The following PAPPA2 variants were observed in gnomAD, a reference collection of about 807,000 sequenced individuals.
PAPPA2 encodes the protein pappalysin 2.
PAPPA2 carries 86 observed loss-of-function variants against 176.4 expected under a neutral mutation model. The observed-to-expected ratio is 0.49, with a 90% CI of 0.41 to 0.58. The LOEUF (loss-of-function observed/expected upper bound fraction) is 0.58. Ranked by LOEUF, PAPPA2 falls within the 20% of genes least tolerant of loss-of-function variation. PAPPA2 has a pLI of 0.00. For synonymous variants in PAPPA2, 809 were observed against 852.2 expected (o/e 0.95, Z 0.88); for missense variants, 2,073 against 2,256.9 (o/e 0.92, Z 1.65).
rs200808228 is a variant in PAPPA2 at position 176,510,810 on chromosome 1, T to TACACACACACACACACACAC, written c.-916-44577_-916-44558dup. Among the ~76,000 whole-genome samples, 784 of 126,500 alleles carry TACACACACACACACACACAC rather than the reference T, an allele frequency of 6.2e-3. 8 individuals carry two copies. Among genetic ancestry groups the TACACACACACACACACACAC allele is most frequent in the Non-Finnish European group, 8.9e-3 (511 of 57,300 alleles). 83.0% of individuals were successfully genotyped at this position (126,500 alleles called of 152,430 possible). ...ATATTTTAAAATTTAAAGCAACACA[T>TACACACACACACACACACAC]ACACACACACACACACACACACACA... On this transcript the variant is annotated intron_variant, in intron 1 of 22. Coordinates refer to ENST00000367662, the MANE Select transcript of PAPPA2 (RefSeq NM_020318.3).
intron 3 of PAPPA2, among the ~76,000 whole-genome samples, chr1:176,620,608 G>A (rs780471419): frequency 6.6e-6 from 1 of 152,130 alleles, no homozygotes; most frequent in Non-Finnish European, 1.5e-5. Context: ...CAAACAATAT[G>A]TAAATGAATG....
chr1:176,725,112 G>A (rs1347915648), intron 12 of PAPPA2, among the ~76,000 whole-genome samples: 1 of 152,144 alleles, frequency 6.6e-6, no homozygotes, highest in African/African-American at 2.4e-5. Context: ...CATGAACATA[G>A]CCATAGTCAA....
chr1:176,579,497 G>C (rs923336157), intron 2 of PAPPA2, among the ~76,000 whole-genome samples: 3 of 152,144 alleles, frequency 2.0e-5, no homozygotes, highest in Admixed American at 1.3e-4. Flanking sequence ...AGCTGGGCCA[G>C]CCACTCTGTT....
intron 3 of PAPPA2, among the ~76,000 whole-genome samples, chr1:176,639,800 C>T (rs956702292): frequency 1.2e-4 from 18 of 151,388 alleles, no homozygotes; most frequent in Middle Eastern, 6.8e-3. Context: ...CTGCAACCTC[C>T]GGGAGGAATG....
chr1:176,578,610 A>G (rs1428722801), intron 2 of PAPPA2, among the ~76,000 whole-genome samples: 1 of 152,210 alleles, frequency 6.6e-6, no homozygotes, highest in African/African-American at 2.4e-5. Flanking sequence ...GCAGTTCAAC[A>G]AGGCTCAGCA....
chr1:176,643,516 T>A (rs1177645527), intron 3 of PAPPA2, among the ~76,000 whole-genome samples: 1 of 151,624 alleles, frequency 6.6e-6, no homozygotes, highest in Non-Finnish European at 1.5e-5. Context: ...TATACCATCA[T>A]AGTTTGCAGA....
At chr1:176,728,948 T>C (rs928985584) in intron 12 of PAPPA2, among the ~76,000 whole-genome samples, 21 of 151,966 alleles carry the variant, frequency 1.4e-4, no homozygotes, top group Admixed American at 8.5e-4. Context: ...ATTAAGATGA[T>C]GGGAAAAATG....
chr1:176,606,219 C>T (rs1438626268), intron 3 of PAPPA2, among the ~76,000 whole-genome samples: 3 of 152,048 alleles, frequency 2.0e-5, no homozygotes, highest in African/African-American at 7.2e-5. Context: ...AAATACCTAT[C>T]ATTATGCAAT....
chr1:176,584,955 G>A (rs1239062145), intron 2 of PAPPA2, among the ~76,000 whole-genome samples: 1 of 152,144 alleles, frequency 6.6e-6, no homozygotes, highest in Non-Finnish European at 1.5e-5. Context: ...GGCCAGGCTG[G>A]TCTTAAACTC....
chr1:176,652,079 T>C (rs1657756851), intron 3 of PAPPA2, among the ~76,000 whole-genome samples: 1 of 151,602 alleles, frequency 6.6e-6, no homozygotes, highest in Non-Finnish European at 1.5e-5. Flanking sequence ...TCAGTTTCCT[T>C]AATGCTGCTA....
intron 3 of PAPPA2, among the ~76,000 whole-genome samples, chr1:176,615,403 C>T (rs1316966836): frequency 4.6e-5 from 7 of 152,168 alleles, no homozygotes; most frequent in African/African-American, 1.7e-4. Context: ...CTCCGCCTCC[C>T]GGGTTCATGC....
chr1:176,688,022 C>A (rs1659930665), intron 4 of PAPPA2, among the ~76,000 whole-genome samples: 1 of 152,030 alleles, frequency 6.6e-6, no homozygotes, highest in Admixed American at 6.6e-5. Flanking sequence ...AAAGTATTAC[C>A]CAGGTTCAGA....
At chr1:176,795,339 G>A (rs920078173) in intron 20 of PAPPA2, among the ~76,000 whole-genome samples, 8 of 152,126 alleles carry the variant, frequency 5.3e-5, no homozygotes, top group Non-Finnish European at 1.0e-4. Flanking sequence ...CTTTTACTCA[G>A]GAGGAGGTGG....
intron 17 of PAPPA2, among the ~76,000 whole-genome samples, chr1:176,781,465 G>A (rs1664720432): frequency 7.9e-6 from 1 of 126,960 alleles, no homozygotes; most frequent in South Asian, 2.6e-4. Context: ...TTCTTATCCT[G>A]TAGAAAGGGC....
chr1:176,556,633 T>G lies in PAPPA2; in HGVS notation c.311T>G (p.Val104Gly). 6.2e-7 allele frequency: 1 copy of G among 1,614,166 alleles called. No homozygotes were observed. The highest frequency in any genetic ancestry group is 8.5e-7 in the Non-Finnish European group (1 of 1,180,036). The change falls in exon 2 of 23, where the codon GTG (valine) becomes GGG (glycine). Residue 104 changes from valine (V) to glycine (G), a missense_variant. This residue lies in a region of PAPPA2 where 1,196 missense variants were observed against 1,330.4 expected (regional missense o/e 0.90). Coordinates refer to ENST00000367662, the MANE Select transcript of PAPPA2 (RefSeq NM_020318.3). ...RSKPDTEGNA[V>G]SLVPPDLTEN... Reference sequence around the variant, plus strand: ...AAACCAGACACTGAAGGAAATGCTGTGAGCCTTGTTCCCCCAGACCTGACT... The same window carrying G: ...AAACCAGACACTGAAGGAAATGCTGGGAGCCTTGTTCCCCCAGACCTGACT...
At chr1:176,761,373 T>C (rs1663692518) in intron 14 of PAPPA2, among the ~76,000 whole-genome samples, 1 of 152,152 alleles carries the variant, frequency 6.6e-6, no homozygotes, top group South Asian at 2.1e-4. Flanking sequence ...AGGTACATCA[T>C]ATTCTTACCT....
intron 14 of PAPPA2, among the ~76,000 whole-genome samples, chr1:176,759,366 A>G (rs1663587261): frequency 6.6e-6 from 1 of 151,990 alleles, no homozygotes; most frequent in African/African-American, 2.4e-5. Flanking sequence ...TATCTTTCAG[A>G]TCTGTTTCTG....
At chr1:176,582,049 G>C (rs200580492) in intron 2 of PAPPA2, among the ~76,000 whole-genome samples, 2 of 149,660 alleles carry the variant, frequency 1.3e-5, no homozygotes, top group Non-Finnish European at 3.0e-5. Context: ...TCAGCCTCCC[G>C]AGTAGCTGGG....
At chr1:176,526,264 G>A (rs1469313438) in intron 1 of PAPPA2, among the ~76,000 whole-genome samples, 3 of 152,176 alleles carry the variant, frequency 2.0e-5, no homozygotes, top group Non-Finnish European at 4.4e-5. Context: ...AGACTGCTTT[G>A]TATCCACTAA....
Sources: allele counts gnomAD v4.1 joint callset (sites outside exome capture counted in the v4.1 genomes callset), GRCh38; gene constraint gnomAD v4.1.1; regional missense constraint gnomAD v4.1.1; transcripts MANE v1.5; gene names NCBI Gene and HGNC (gene_info 2026-07-23, HGNC 2026-07-21).